The following C9orf153 variants were observed in gnomAD, a reference collection of about 807,000 sequenced individuals.
C9orf153 encodes the protein uncharacterized protein C9orf153.
In C9orf153, 10 loss-of-function variants were observed where a neutral mutation model predicts 9.0. That is an observed-to-expected ratio of 1.11 (90% CI 0.69 to 1.89). The LOEUF (loss-of-function observed/expected upper bound fraction) is 1.89, where lower values mean the gene tolerates loss of function less well. C9orf153 is among the 40% of genes most tolerant of loss of function. The pLI, the probability that C9orf153 is intolerant of heterozygous loss-of-function variation, is 0.00. For missense variants in C9orf153, 108 were observed against 111.0 expected, an observed-to-expected ratio of 0.97 and a Z score of 0.12; for synonymous variants, 35 against 37.3, an observed-to-expected ratio of 0.94 and a Z score of 0.23.
chr9:86,238,452 G>C (rs1473601038), intron 1 of C9orf153, among the ~76,000 whole-genome samples: 1 of 152,204 alleles, frequency 6.6e-6, no homozygotes, highest in Non-Finnish European at 1.5e-5. Flanking sequence ...TACTACAGTG[G>C]AGTTAAGTTA....
chr9:86,250,388 T>G (rs559605014), intron 1 of C9orf153, among the ~76,000 whole-genome samples: 1 of 152,068 alleles, frequency 6.6e-6, no homozygotes, highest in African/African-American at 2.4e-5. Flanking sequence ...AATTGAGAGA[T>G]AGCACATGGG....
chr9:86,240,297 T>C (rs1824701658), intron 1 of C9orf153, among the ~76,000 whole-genome samples: 1 of 152,164 alleles, frequency 6.6e-6, no homozygotes, highest in African/African-American at 2.4e-5. Flanking sequence ...ACCCACAGTT[T>C]TATATATTAT....
At chr9:86,227,198 A>G (rs999157363) in intron 3 of C9orf153, 1 of 865,928 alleles carries the variant, frequency 1.2e-6, no homozygotes, top group Non-Finnish European at 1.5e-6. Flanking sequence ...CAAGGCTGAA[A>G]TGCAGTGGTG....
At chr9:86,244,146 A>G (rs1395540282) in intron 1 of C9orf153, among the ~76,000 whole-genome samples, 2 of 152,368 alleles carry the variant, frequency 1.3e-5, no homozygotes, top group African/African-American at 4.8e-5. Flanking sequence ...GGATTTTCAT[A>G]TCAATTACAT....
At chr9:86,227,237 CAT>C (rs1298673334) in intron 3 of C9orf153, 31 of 1,261,000 alleles carry the variant, frequency 2.5e-5, no homozygotes, top group African/African-American at 4.6e-5. Flanking sequence ...ACCTCAAACA[CAT>C]GTGCTCAAGT....
chr9:86,238,471 T>C (rs1824654043), intron 1 of C9orf153, among the ~76,000 whole-genome samples: 2 of 152,202 alleles, frequency 1.3e-5, no homozygotes, highest in African/African-American at 2.4e-5. Context: ...TAGATGCCAA[T>C]AACAGAAAGC....
intron 1 of C9orf153, among the ~76,000 whole-genome samples, chr9:86,231,600 T>G (rs1381250077): frequency 6.7e-6 from 1 of 148,298 alleles, no homozygotes; most frequent in Non-Finnish European, 1.5e-5. Flanking sequence ...CAAACATGGA[T>G]ATATATATAT....
chr9:86,236,548 CAAA>C (rs976982879), intron 1 of C9orf153, among the ~76,000 whole-genome samples: 81 of 65,330 alleles, frequency 1.2e-3, no homozygotes, highest in African/African-American at 3.9e-3. Context: ...GACTCCATCT[CAAA>C]AAAAAAAAAA....
At chr9:86,250,425 T>C (rs1162271766) in intron 1 of C9orf153, among the ~76,000 whole-genome samples, 2 of 152,158 alleles carry the variant, frequency 1.3e-5, no homozygotes, top group African/African-American at 4.8e-5. Flanking sequence ...TTGAGGCTTC[T>C]TCCATTCAGC....
At chr9:86,246,034 C>A (rs1428144696) in intron 1 of C9orf153, among the ~76,000 whole-genome samples, 1 of 152,170 alleles carries the variant, frequency 6.6e-6, no homozygotes, top group Non-Finnish European at 1.5e-5. Context: ...AAGTCTCCTG[C>A]AATGACAGCT....
At chr9:86,244,294 C>T (rs1195897624) in intron 1 of C9orf153, among the ~76,000 whole-genome samples, 1 of 152,008 alleles carries the variant, frequency 6.6e-6, no homozygotes, top group Non-Finnish European at 1.5e-5. Context: ...AGCTGGTCTC[C>T]AACTCTTGGC....
intron 1 of C9orf153, among the ~76,000 whole-genome samples, chr9:86,241,627 C>T (rs910133319): frequency 9.3e-5 from 14 of 150,850 alleles, no homozygotes; most frequent in South Asian, 6.2e-4. Flanking sequence ...TCGTACATTT[C>T]GTTGTTTTTT....
chr9:86,230,890 C>G (rs574456160), intron 1 of C9orf153, among the ~76,000 whole-genome samples: 1 of 152,276 alleles, frequency 6.6e-6, no homozygotes, highest in African/African-American at 2.4e-5. Context: ...TAAGTTCTCT[C>G]CCACATTTTA....
Position 86,227,897 on chromosome 9 carries a change from G to A in C9orf153, c.200C>T (p.Thr67Ile). ...ATCTCCTCTCACATCAGCGCCCCTG[G>A]TGAATGACATGACATTCAGGTTTCT... ...LARNLNVMSF[T>I]RGADVRGDLQ... The change falls in exon 3 of 4, where the codon ACC (threonine) becomes ATC (isoleucine). Residue 67 changes from threonine (T) to isoleucine (I), a missense_variant. Thr to Ile is a moderately conservative substitution (Grantham distance 89). Coordinates refer to ENST00000339137, the MANE Select transcript of C9orf153 (RefSeq NM_001276366.4). 1 of 1,613,686 alleles carries A rather than the reference G, an allele frequency of 6.2e-7. No homozygotes were observed. Among genetic ancestry groups the A allele is most frequent in the South Asian group, 1.1e-5 (1 of 91,028 alleles).
intron 1 of C9orf153, among the ~76,000 whole-genome samples, chr9:86,237,059 T>C (rs1247219144): frequency 6.6e-6 from 1 of 151,954 alleles, no homozygotes; most frequent in African/African-American, 2.4e-5. Context: ...ATTAGGAGTA[T>C]TTTGTTATTA....
intron 1 of C9orf153, among the ~76,000 whole-genome samples, chr9:86,252,880 A>G (rs1433580970): frequency 7.9e-5 from 12 of 152,240 alleles, no homozygotes; most frequent in Admixed American, 7.9e-4. Context: ...ATCAAGCAAA[A>G]TAAAAGTTAA....
rs1419298242 is a variant in C9orf153, at chr9:86,220,461, C to A, written c.*1227G>T. 6.6e-6 allele frequency: 1 copy of A among 152,104 alleles called. No homozygotes were observed. The highest frequency in any genetic ancestry group is 1.5e-5 in the Non-Finnish European group (1 of 68,032). 9.4% of individuals were successfully genotyped at this position (152,104 alleles called of 1,614,324 possible). On this transcript the variant is annotated 3_prime_UTR_variant, in exon 4 of 4. Transcript: ENST00000339137. Reference sequence around the variant, plus strand: ...TTTAACATTTTTATTTTACCCCCTACTCCTCAGAGAGAGTTTGGCTGCTTA... The same window carrying A: ...TTTAACATTTTTATTTTACCCCCTAATCCTCAGAGAGAGTTTGGCTGCTTA...
chr9:86,233,741 T>C (rs1824519657), intron 1 of C9orf153, among the ~76,000 whole-genome samples: 1 of 152,172 alleles, frequency 6.6e-6, no homozygotes, highest in Non-Finnish European at 1.5e-5. Context: ...TTGACCAGAC[T>C]TACAAAGACT....
At chr9:86,257,732 A>T (rs1386554636) in intron 1 of C9orf153, among the ~76,000 whole-genome samples, 1 of 152,238 alleles carries the variant, frequency 6.6e-6, no homozygotes, top group African/African-American at 2.4e-5. Flanking sequence ...ACTACTGCTG[A>T]TATAACAACC....
Sources: allele counts gnomAD v4.1 joint callset (sites outside exome capture counted in the v4.1 genomes callset), GRCh38; gene constraint gnomAD v4.1.1; transcripts MANE v1.5; gene names NCBI Gene and HGNC (gene_info 2026-07-23, HGNC 2026-07-21).